PCDHA5: variants seen among roughly 807,000 people sequenced by gnomAD.
PCDHA5 encodes protocadherin alpha-5.
PCDHA5 carries 43 observed loss-of-function variants against 61.6 expected under a neutral mutation model. The ratio of observed to expected loss-of-function variants is 0.70; its 90% CI spans 0.55 to 0.90. The LOEUF (loss-of-function observed/expected upper bound fraction) is 0.90, where lower values mean the gene tolerates loss of function less well. Among genes scored for constraint, PCDHA5 ranks in the 40% least tolerant of loss-of-function variants. PCDHA5 has a pLI of 0.00. For missense variants in PCDHA5, 1,298 were observed against 1,222.7 expected, an observed-to-expected ratio of 1.06 and a Z score of -0.92; for synonymous variants, 627 against 543.9, an observed-to-expected ratio of 1.15 and a Z score of -2.13.
At chr5:140,827,044 G>T (rs182892047) in intron 1 of PCDHA5, among the ~76,000 whole-genome samples, 16 of 152,300 alleles carry the variant, frequency 1.1e-4, no homozygotes. Flanking sequence ...TGAATTTGGG[G>T]ATTATTAATA....
intron 1 of PCDHA5, among the ~76,000 whole-genome samples, chr5:140,920,608 G>A (rs2153558027): frequency 6.6e-6 from 1 of 152,286 alleles, no homozygotes; most frequent in Non-Finnish European, 1.5e-5. Flanking sequence ...CACTTTGGGA[G>A]GCCGAGGCGG....
chr5:140,882,270 T>C lies in PCDHA5; in HGVS notation c.2352+58143T>C, dbSNP rs782125538. ...GCTCTGAGGTTTTTGGAGTGTACCA[T>C]GCTGTCTTCCTGGCAAGGAGGCCCA... On this transcript the variant is annotated intron_variant, in intron 1 of 3. Coordinates refer to ENST00000529859, the MANE Select transcript of PCDHA5 (RefSeq NM_018908.3). 35 of 1,611,468 alleles carry C rather than the reference T, an allele frequency of 2.2e-5. 1 individual carries two copies. The South Asian group carries it at 3.9e-4, about 18-fold the overall frequency.
In PCDHA5 at chr5:140,848,635, G is replaced by A; in HGVS notation, c.2352+24508G>A. 2.5e-6 allele frequency: 4 copies of A among 1,593,292 alleles called. 1 individual carries two copies. Among genetic ancestry groups the A allele is most frequent in the Admixed American group, 1.7e-5 (1 of 59,228 alleles). On this transcript the variant is annotated intron_variant, in intron 1 of 3. Transcript: ENST00000529859. ...GCCGAACACGGCACCTTCGTGGGCC[G>A]CATCGCGCAGGACCTGGGGCTGGAG...
chr5:140,828,429 C>A (rs2150155314), intron 1 of PCDHA5: 7 of 1,614,216 alleles, frequency 4.3e-6, no homozygotes, highest in East Asian at 2.2e-5. Context: ...GTGGACAGGC[C>A]GCTGCAGGTT....
intron 1 of PCDHA5, among the ~76,000 whole-genome samples, chr5:140,914,820 C>T (rs1277610128): frequency 6.6e-6 from 1 of 151,970 alleles, no homozygotes; most frequent in African/African-American, 2.4e-5. Flanking sequence ...TAACAGACTG[C>T]ATAAACAAAA....
At chr5:140,993,673 TG>T (rs2097577380) in intron 3 of PCDHA5, among the ~76,000 whole-genome samples, 1 of 152,322 alleles carries the variant, frequency 6.6e-6, no homozygotes, top group East Asian at 1.9e-4. Context: ...GGACCACATA[TG>T]TGACAGCTGT....
intron 3 of PCDHA5, among the ~76,000 whole-genome samples, chr5:140,984,824 C>T (rs920985683): frequency 6.6e-6 from 1 of 151,980 alleles, no homozygotes; most frequent in African/African-American, 2.4e-5. Flanking sequence ...TCTTAATTAC[C>T]CTTTCTGTAA....
At chr5:140,838,813 T>A (rs1372139803) in intron 1 of PCDHA5, among the ~76,000 whole-genome samples, 1 of 151,884 alleles carries the variant, frequency 6.6e-6, no homozygotes, top group Non-Finnish European at 1.5e-5. Flanking sequence ...TTTCAGCTAC[T>A]CAAGAAACTG....
At chr5:140,969,342 G>T (rs1216517284) in intron 1 of PCDHA5, 2 of 1,613,512 alleles carry the variant, frequency 1.2e-6, no homozygotes, top group Non-Finnish European at 1.7e-6. Flanking sequence ...GTGAGACAGT[G>T]GTCAGGGGGT....
chr5:141,008,607 C>T (rs782227320), intron 3 of PCDHA5, among the ~76,000 whole-genome samples: 33 of 152,196 alleles, frequency 2.2e-4, no homozygotes, highest in Non-Finnish European at 3.8e-4. Flanking sequence ...CCTCTGGAAC[C>T]CCATTAACTT....
chr5:140,836,669 G>T (rs142732506), intron 1 of PCDHA5: 1 of 1,613,470 alleles, frequency 6.2e-7, no homozygotes, highest in African/African-American at 1.3e-5. Context: ...GCTCTGGGGA[G>T]GGCCCACCCA....
intron 1 of PCDHA5, chr5:140,850,791 A>G: frequency 1.3e-6 from 2 of 1,598,378 alleles, no homozygotes; most frequent in African/African-American, 2.7e-5. Context: ...GGGTAAGCAG[A>G]AGACCGACCT....
rs1475862780 is a variant in PCDHA5 at position 140,982,724 on chromosome 5, G to T, written c.2500+161G>T. On this transcript the variant is annotated intron_variant, in intron 3 of 3. Transcript: ENST00000529859. Reference sequence around the variant, plus strand: ...ATTTCCTTACATATATGATTATTTTGATTTTATACCTAATGCTCTTCAGGA... The same window carrying T: ...ATTTCCTTACATATATGATTATTTTTATTTTATACCTAATGCTCTTCAGGA... 5.5e-6 allele frequency: 5 copies of T among 906,286 alleles called. No homozygotes were observed. The African/African-American group carries it at 9.0e-5, about 16-fold the overall frequency. The allele number at this position is 906,286 out of a possible 1,614,324, so 56.1% of individuals were successfully genotyped here.
chr5:140,881,257 C>A, intron 1 of PCDHA5: 1 of 512,564 alleles, frequency 2.0e-6, no homozygotes, highest in Non-Finnish European at 2.5e-6. Context: ...CAAGGTTTTA[C>A]TCAGTGATGA....
intron 1 of PCDHA5, chr5:140,834,139 T>C (rs1487804482): frequency 6.0e-6 from 3 of 498,162 alleles, no homozygotes; most frequent in Non-Finnish European, 7.0e-6. Flanking sequence ...ATCTGATTAA[T>C]AGTTTGTAAT....
Position 140,855,317 on chromosome 5 carries a change from G to A in PCDHA5, c.2352+31190G>A, listed in dbSNP as rs568738789. Among the ~76,000 whole-genome samples, 68 of 149,944 alleles carry A rather than the reference G, an allele frequency of 4.5e-4. 6 individuals are homozygous for A. Among genetic ancestry groups the A allele is most frequent in the African/African-American group, 1.6e-3 (65 of 40,966 alleles). The stretch of plus-strand genomic sequence containing the variant: ...CCAAAGTTATAAAATTGGAACATGA[G>A]GGAGGGAGAGGTTAAACGATTTTCC... On this transcript the variant is annotated intron_variant, in intron 1 of 3. Transcript: ENST00000529859.
chr5:140,944,744 A>G (rs1408016136), intron 1 of PCDHA5, among the ~76,000 whole-genome samples: 2 of 152,204 alleles, frequency 1.3e-5, no homozygotes, highest in East Asian at 3.8e-4. Context: ...CTGAGCATTT[A>G]CATGGAAAAA....
intron 1 of PCDHA5, chr5:140,966,905 T>C (rs1554228876): frequency 1.9e-6 from 3 of 1,600,790 alleles, no homozygotes; most frequent in Non-Finnish European, 2.5e-6. Flanking sequence ...GCTGCGATAC[T>C]CTGTGCCAGA....
chr5:140,891,931 G>A (rs2063313924), intron 1 of PCDHA5, among the ~76,000 whole-genome samples: 1 of 152,168 alleles, frequency 6.6e-6, no homozygotes, highest in Non-Finnish European at 1.5e-5. Flanking sequence ...CTTGATCTTG[G>A]ACTTCCCCTA....
Sources: gnomAD v4.1 joint callset for allele counts (sites outside exome capture counted in the v4.1 genomes callset) on GRCh38, gnomAD v4.1.1 for gene constraint, MANE v1.5 for transcripts, NCBI Gene and HGNC (gene_info 2026-07-23, HGNC 2026-07-21) for gene names.